METTL25: variants seen among roughly 807,000 people sequenced by gnomAD.
METTL25 encodes probable methyltransferase-like protein 25.
A neutral mutation model predicts 71.6 loss-of-function variants in METTL25; 64 were observed. The ratio of observed to expected loss-of-function variants is 0.89; its 90% confidence interval spans 0.73 to 1.10. The LOEUF is 1.10. METTL25 is among the 50% of genes least tolerant of loss of function. The probability of loss-of-function intolerance (pLI) is 0.00; values close to 1 mark genes in which losing one functional copy is unlikely to be tolerated. For synonymous variants in METTL25, 287 were observed against 250.3 expected, an observed-to-expected ratio of 1.15 and a Z score of -1.38; for missense variants, 807 against 707.0, an observed-to-expected ratio of 1.14 and a Z score of -1.60.
intron 8 of METTL25, among the ~76,000 whole-genome samples, chr12:82,454,986 T>A (rs1056453777): frequency 6.6e-6 from 1 of 151,842 alleles, no homozygotes; most frequent in East Asian, 1.9e-4. Context: ...GATATCCTCT[T>A]TTAATGAACA....
At chr12:82,416,366 TAA>T (rs1565845670) in intron 5 of METTL25, among the ~76,000 whole-genome samples, 1 of 152,052 alleles carries the variant, frequency 6.6e-6, no homozygotes, top group South Asian at 2.1e-4. Flanking sequence ...TATACTATTT[TAA>T]GTTTATTCTT....
At chr12:82,426,580 A>G (rs924746132) in intron 5 of METTL25, among the ~76,000 whole-genome samples, 1 of 151,998 alleles carries the variant, frequency 6.6e-6, no homozygotes, top group African/African-American at 2.4e-5. Flanking sequence ...TTGTGGTGGT[A>G]AATAGTAGCT....
intron 5 of METTL25, among the ~76,000 whole-genome samples, chr12:82,409,383 T>C (rs1340799506): frequency 6.6e-6 from 1 of 152,172 alleles, no homozygotes; most frequent in Non-Finnish European, 1.5e-5. Context: ...ATTATTGTAA[T>C]AATTAATTTG....
intron 1 of METTL25, among the ~76,000 whole-genome samples, chr12:82,377,176 TTTTTTC>T (rs374091658): frequency 6.6e-5 from 10 of 152,164 alleles, no homozygotes; most frequent in African/African-American, 2.4e-4. Flanking sequence ...TTTTTAGTCT[TTTTTTC>T]TGTTCATCTC....
At chr12:82,391,195 G>A (rs1885540342) in intron 3 of METTL25, among the ~76,000 whole-genome samples, 1 of 152,000 alleles carries the variant, frequency 6.6e-6, no homozygotes, top group Admixed American at 6.6e-5. Context: ...GTCTGAATGA[G>A]GCAGAACAAG....
rs375062169 is a variant in METTL25, at chr12:82,454,959, A to G, written c.1479-1768A>G. 3.9e-5 allele frequency among the ~76,000 whole-genome samples: 6 copies of G among 151,930 alleles called. No individual in the cohort carries two copies. In the East Asian group the frequency reaches 5.8e-4, roughly 15 times the overall value. On this transcript the variant is annotated intron_variant, in intron 8 of 11. Transcript: ENST00000248306. ...GAAATTTAATCCTCATAGTGACTCT[A>G]TGAAGTAAATGCTATTGATATCCTC...
At chr12:82,373,008 C>T (rs1883424341) in intron 1 of METTL25, among the ~76,000 whole-genome samples, 1 of 152,122 alleles carries the variant, frequency 6.6e-6, no homozygotes, top group African/African-American at 2.4e-5. Context: ...ATTTAGTGGC[C>T]CTTACCGACG....
At chr12:82,424,428 C>A (rs893066971) in intron 5 of METTL25, among the ~76,000 whole-genome samples, 2 of 151,982 alleles carry the variant, frequency 1.3e-5, no homozygotes, top group African/African-American at 4.8e-5. Flanking sequence ...GGAGATATAC[C>A]TAATGTAAAT....
At chr12:82,416,446 G>GTTTT (rs5799585) in intron 5 of METTL25, among the ~76,000 whole-genome samples, 1 of 136,800 alleles carries the variant, frequency 7.3e-6, no homozygotes, top group Admixed American at 7.5e-5. Context: ...TATCATTTAG[G>GTTTT]TTTTTTTTTT....
intron 8 of METTL25, among the ~76,000 whole-genome samples, chr12:82,454,977 A>AC (rs1891386080): frequency 6.6e-6 from 1 of 151,874 alleles, no homozygotes; most frequent in Non-Finnish European, 1.5e-5. Flanking sequence ...AATGCTATTG[A>AC]TATCCTCTTT....
chr12:82,384,100 G>A (rs1169022806), intron 1 of METTL25, among the ~76,000 whole-genome samples: 1 of 152,136 alleles, frequency 6.6e-6, no homozygotes, highest in Non-Finnish European at 1.5e-5. Flanking sequence ...TTCCAGTAGA[G>A]GGAGATGTAG....
At chr12:82,365,367 T>C (rs1369155535) in intron 1 of METTL25, among the ~76,000 whole-genome samples, 1 of 152,184 alleles carries the variant, frequency 6.6e-6, no homozygotes, top group African/African-American at 2.4e-5. Flanking sequence ...AATTTGGACA[T>C]AAAATCAGAA....
chr12:82,458,044 TACTTAA>T (rs1006647464), intron 9 of METTL25, among the ~76,000 whole-genome samples: 2 of 152,244 alleles, frequency 1.3e-5, no homozygotes, highest in East Asian at 1.9e-4. Context: ...GCTACAGTTT[TACTTAA>T]ACTTAATAAA....
At chr12:82,421,346 T>G (rs2137102405) in intron 5 of METTL25, among the ~76,000 whole-genome samples, 1 of 152,282 alleles carries the variant, frequency 6.6e-6, no homozygotes, top group African/African-American at 2.4e-5. Flanking sequence ...AACAGGAATT[T>G]CTAAAACAAA....
chr12:82,360,331 ACATC>A (rs1255821424), intron 1 of METTL25, among the ~76,000 whole-genome samples: 2 of 152,026 alleles, frequency 1.3e-5, no homozygotes, highest in African/African-American at 4.8e-5. Flanking sequence ...TTTAATCTTT[ACATC>A]AGCCTTGCAA....
At chr12:82,443,081 A>G (rs1890472784) in intron 8 of METTL25, among the ~76,000 whole-genome samples, 1 of 152,050 alleles carries the variant, frequency 6.6e-6, no homozygotes, top group Non-Finnish European at 1.5e-5. Context: ...GGTTTCATGT[A>G]TATATTAACT....
At chr12:82,440,972 C>T (rs1419043539) in intron 8 of METTL25, among the ~76,000 whole-genome samples, 1 of 151,978 alleles carries the variant, frequency 6.6e-6, no homozygotes, top group Non-Finnish European at 1.5e-5. Flanking sequence ...GGCAACTGTC[C>T]ACCCATCAAC....
At chr12:82,475,483 T>G (rs1294456143) in intron 9 of METTL25, among the ~76,000 whole-genome samples, 1 of 152,006 alleles carries the variant, frequency 6.6e-6, no homozygotes, top group Non-Finnish European at 1.5e-5. Context: ...TTTTTTAAAT[T>G]CAGAAGAAAT....
chr12:82,451,748 G>T (rs1029592701), intron 8 of METTL25, among the ~76,000 whole-genome samples: 2 of 151,954 alleles, frequency 1.3e-5, no homozygotes, highest in Non-Finnish European at 2.9e-5. Flanking sequence ...AACTCCAAAG[G>T]AAATGACAAT....
Sources: allele counts gnomAD v4.1 joint callset (sites outside exome capture counted in the v4.1 genomes callset), GRCh38; gene constraint gnomAD v4.1.1; transcripts MANE v1.5; gene names NCBI Gene and HGNC (gene_info 2026-07-23, HGNC 2026-07-21).